TSHZ3: variants seen among roughly 807,000 people sequenced by gnomAD.
TSHZ3 encodes teashirt zinc finger homeobox 3.
Under a neutral mutation model 64.5 loss-of-function variants are expected in TSHZ3, and 10 were observed. The observed-to-expected ratio is 0.16, with a 90% CI of 0.10 to 0.26. The LOEUF (loss-of-function observed/expected upper bound fraction) is 0.26, where lower values mean the gene tolerates loss of function less well. TSHZ3 is among the 10% of genes least tolerant of loss of function. TSHZ3 has a pLI of 1.00. For synonymous variants in TSHZ3, 608 were observed against 593.1 expected, an observed-to-expected ratio of 1.03 and a Z score of -0.36; for missense variants, 1,242 against 1,421.7, an observed-to-expected ratio of 0.87 and a Z score of 2.03.
chr19:31,219,583 A>G (rs1975373830), intron 4 of TSHZ3, among the ~76,000 whole-genome samples: 1 of 152,296 alleles, frequency 6.6e-6, no homozygotes, highest in East Asian at 1.9e-4. Context: ...ATGGCTATGA[A>G]GCACTTGAAA....
chr19:31,338,974 C>G (rs781655493), intron 1 of TSHZ3, among the ~76,000 whole-genome samples: 9 of 151,966 alleles, frequency 5.9e-5, no homozygotes, highest in Non-Finnish European at 4.4e-5. Flanking sequence ...CCAGCTTGTC[C>G]GACTCTCAAG....
rs191617406 is a variant in TSHZ3, at chr19:31,199,273, G to A, written n.809+5683C>T. On this transcript the variant is annotated intron_variant and non_coding_transcript_variant, in intron 5 of 6. Coordinates refer to the TSHZ3 transcript ENST00000651361. ...ACAAAAATTAGCTGGGCATCGTGGCGGGCGCCTGTAGTCCCAGCTACTCAG... is the reference window on the plus strand; with the variant it reads ...ACAAAAATTAGCTGGGCATCGTGGCAGGCGCCTGTAGTCCCAGCTACTCAG... Among the ~76,000 whole-genome samples, 52 of 151,504 alleles carry A rather than the reference G, an allele frequency of 3.4e-4. No individual in the cohort carries two copies. The East Asian group carries it at 9.6e-3, about 28-fold the overall frequency.
intron 5 of TSHZ3, among the ~76,000 whole-genome samples, chr19:31,183,457 A>C (rs550033241): frequency 2.1e-4 from 32 of 152,316 alleles, no homozygotes; most frequent in African/African-American, 7.5e-4. Flanking sequence ...AGAATCAGAA[A>C]ACGAAACACT....
chr19:31,295,528 T>C (rs183162715), intron 1 of TSHZ3, among the ~76,000 whole-genome samples: 176 of 152,256 alleles, frequency 1.2e-3, no homozygotes, highest in South Asian at 1.5e-3. Context: ...CAACAAAATA[T>C]TTTATGAATT....
chr19:31,229,889 A>T (rs377045224), intron 3 of TSHZ3, among the ~76,000 whole-genome samples: 1 of 152,214 alleles, frequency 6.6e-6, no homozygotes, highest in African/African-American at 2.4e-5. Context: ...TTACACTGAC[A>T]TTTTCTAAAA....
chr19:31,234,461 T>G (rs536246903), intron 3 of TSHZ3, among the ~76,000 whole-genome samples: 1 of 152,326 alleles, frequency 6.6e-6, no homozygotes, highest in African/African-American at 2.4e-5. Flanking sequence ...ATTCCCAGTC[T>G]TAGGGGGAAA....
chr19:31,186,317 G>A (rs1955793861), intron 5 of TSHZ3, among the ~76,000 whole-genome samples: 1 of 152,182 alleles, frequency 6.6e-6, no homozygotes, highest in Non-Finnish European at 1.5e-5. Context: ...TGTGTCACGG[G>A]AAGGACCTGG....
At chr19:31,231,307 C>T (rs752731261) in intron 3 of TSHZ3, among the ~76,000 whole-genome samples, 31 of 152,172 alleles carry the variant, frequency 2.0e-4, no homozygotes, top group Non-Finnish European at 4.3e-4. Context: ...GGAGGCCGAG[C>T]GGAATTACAA....
At chr19:31,331,480 G>A (rs368020577) in intron 1 of TSHZ3, among the ~76,000 whole-genome samples, 25 of 151,970 alleles carry the variant, frequency 1.6e-4, no homozygotes, top group African/African-American at 5.1e-4. Context: ...AAACAATCAC[G>A]GTCCTACTGG....
At chr19:31,186,439 C>T (rs1311762181) in intron 5 of TSHZ3, among the ~76,000 whole-genome samples, 1 of 152,178 alleles carries the variant, frequency 6.6e-6, no homozygotes, top group Admixed American at 6.5e-5. Flanking sequence ...CCCTTTTGCT[C>T]AGCACTTCTT....
intron 6 of TSHZ3, among the ~76,000 whole-genome samples, chr19:31,154,978 G>T: frequency 6.6e-6 from 1 of 152,228 alleles, no homozygotes; most frequent in East Asian, 1.9e-4. Context: ...TGCCAGGTTT[G>T]CTGAGGGGAC....
exon 3 of TSHZ3, among the ~76,000 whole-genome samples, chr19:31,242,497 G>C (rs560900187): frequency 6.6e-6 from 1 of 152,318 alleles, no homozygotes; most frequent in South Asian, 2.1e-4. Context: ...AAAGGCAGCA[G>C]AAGATGGGTG....
chr19:31,311,017 G>T (rs896423397), intron 1 of TSHZ3, among the ~76,000 whole-genome samples: 26 of 152,186 alleles, frequency 1.7e-4, no homozygotes, highest in African/African-American at 6.3e-4. Context: ...ACTCCTGCCT[G>T]TGCCATCAGC....
In TSHZ3 at chr19:31,284,305, T is replaced by C. The variant is rs570267501; in HGVS notation, c.41-4553A>G. Among the ~76,000 whole-genome samples, 133 of 152,042 alleles carry C rather than the reference T, an allele frequency of 8.7e-4. 1 individual carries two copies. The highest frequency in any genetic ancestry group is 2.8e-3 in the African/African-American group (118 of 41,466). On this transcript the variant is annotated intron_variant, in intron 1 of 1. Transcript: ENST00000240587. ...TCCCACATGGGCCCAGTCCAGCCAC[T>C]AGCATCTCTCACCCCATCCCCAACC...
chr19:31,207,151 T>C (rs1975190869), intron 4 of TSHZ3, among the ~76,000 whole-genome samples: 1 of 152,216 alleles, frequency 6.6e-6, no homozygotes, highest in Non-Finnish European at 1.5e-5. Context: ...ATCATTAACA[T>C]GAAATACCTT....
intron 5 of TSHZ3, among the ~76,000 whole-genome samples, chr19:31,193,224 C>G (rs1297595984): frequency 1.3e-5 from 2 of 152,140 alleles, no homozygotes; most frequent in Non-Finnish European, 2.9e-5. Context: ...CGCGACATAT[C>G]TGGCCTCTGT....
At chr19:31,280,100 A>G (rs1046763557) in intron 1 of TSHZ3, among the ~76,000 whole-genome samples, 2 of 152,192 alleles carry the variant, frequency 1.3e-5, no homozygotes, top group African/African-American at 4.8e-5. Flanking sequence ...AATTACTTGT[A>G]TCAACCTCAG....
At chr19:31,177,066 C>A (rs983304554) in intron 5 of TSHZ3, among the ~76,000 whole-genome samples, 1 of 152,142 alleles carries the variant, frequency 6.6e-6, no homozygotes, top group Admixed American at 6.5e-5. Flanking sequence ...TAGCACCTGG[C>A]CCTTGGGTTG....
chr19:31,252,095 G>A (rs979806743), intron 1 of TSHZ3, among the ~76,000 whole-genome samples: 8 of 152,250 alleles, frequency 5.3e-5, no homozygotes, highest in African/African-American at 1.7e-4. Context: ...GTGTAAATTC[G>A]TTTCCTGAGG....
Sources: allele counts gnomAD v4.1 joint callset (sites outside exome capture counted in the v4.1 genomes callset), GRCh38; gene constraint gnomAD v4.1.1; transcripts MANE v1.5; gene names NCBI Gene and HGNC (gene_info 2026-07-23, HGNC 2026-07-21).